Variants in LSAMP observed in about 807,000 individuals in gnomAD.
LSAMP encodes limbic system-associated membrane protein.
In LSAMP, 7 loss-of-function variants were observed where a neutral mutation model predicts 38.6. That is an observed-to-expected ratio of 0.18 (90% CI 0.10 to 0.34). The LOEUF (loss-of-function observed/expected upper bound fraction) is 0.34. Among genes scored for constraint, LSAMP ranks in the 10% least tolerant of loss-of-function variants. The pLI, the probability that LSAMP is intolerant of heterozygous loss-of-function variation, is 1.00. For synonymous variants in LSAMP, 154 were observed against 166.8 expected (o/e 0.92, Z 0.59); for missense variants, 313 against 420.0 (o/e 0.75, Z 2.23).
intron 1 of LSAMP, among the ~76,000 whole-genome samples, chr3:116,247,046 A>G (rs1164168149): frequency 6.6e-6 from 1 of 152,154 alleles, no homozygotes; most frequent in East Asian, 1.9e-4. Context: ...GTGATTAGAA[A>G]ACAAGCTGGA....
intron 1 of LSAMP, among the ~76,000 whole-genome samples, chr3:116,437,017 ATG>A (rs925976032): frequency 6.8e-6 from 1 of 145,996 alleles, no homozygotes; most frequent in African/African-American, 2.6e-5. Context: ...GTGTATATAT[ATG>A]TGTGTGTATA....
At chr3:116,244,342 TC>T (rs2046577206) in intron 1 of LSAMP, among the ~76,000 whole-genome samples, 1 of 152,232 alleles carries the variant, frequency 6.6e-6, no homozygotes, top group Non-Finnish European at 1.5e-5. Flanking sequence ...TAAATTTATG[TC>T]CTTTGACCTA....
chr3:116,283,457 ATG>A (rs2047155207), intron 1 of LSAMP, among the ~76,000 whole-genome samples: 1 of 152,192 alleles, frequency 6.6e-6, no homozygotes, highest in South Asian at 2.1e-4. Flanking sequence ...ATTGACTAAT[ATG>A]GCTTGACAGT....
At chr3:115,964,984 TGTG>T (rs1938750912) in intron 3 of LSAMP, among the ~76,000 whole-genome samples, 1 of 152,124 alleles carries the variant, frequency 6.6e-6, no homozygotes, top group Middle Eastern at 3.2e-3. Context: ...ACAGATTTAA[TGTG>T]TGACCTTTTA....
intron 1 of LSAMP, among the ~76,000 whole-genome samples, chr3:116,333,596 G>A (rs2047881569): frequency 1.4e-5 from 2 of 147,772 alleles, no homozygotes; most frequent in African/African-American, 5.0e-5. Flanking sequence ...ATTGAAGTCA[G>A]AAATCAATAA....
intron 3 of LSAMP, among the ~76,000 whole-genome samples, chr3:115,869,788 C>T (rs973345727): frequency 1.3e-5 from 2 of 152,014 alleles, no homozygotes; most frequent in South Asian, 2.1e-4. Flanking sequence ...TAAATGCATA[C>T]GTCTTTTCCG....
chr3:116,273,777 A>T (rs1369790853), intron 1 of LSAMP, among the ~76,000 whole-genome samples: 2 of 142,114 alleles, frequency 1.4e-5, no homozygotes, highest in African/African-American at 5.4e-5. Context: ...TGAATTATGT[A>T]ATTACAGATA....
At chr3:116,393,877 G>A (rs2048735464) in intron 1 of LSAMP, among the ~76,000 whole-genome samples, 1 of 152,290 alleles carries the variant, frequency 6.6e-6, no homozygotes, top group African/African-American at 2.4e-5. Flanking sequence ...ATTAAGAATA[G>A]ATGAGATTAT....
intron 2 of LSAMP, among the ~76,000 whole-genome samples, chr3:116,056,988 T>G (rs1012803732): frequency 3.3e-5 from 5 of 152,142 alleles, no homozygotes; most frequent in Middle Eastern, 3.2e-3. Context: ...TATAGTAAAA[T>G]TAAGCTATGA....
chr3:116,444,392 AACAC>A (rs202044043), intron 1 of LSAMP, among the ~76,000 whole-genome samples: 6 of 144,248 alleles, frequency 4.2e-5, no homozygotes, highest in East Asian at 4.3e-4. Context: ...TGGCATGAAA[AACAC>A]ACACACACAC....
At chr3:116,374,442 T>C (rs2048469205) in intron 1 of LSAMP, among the ~76,000 whole-genome samples, 1 of 151,888 alleles carries the variant, frequency 6.6e-6, no homozygotes, top group Admixed American at 6.6e-5. Context: ...TTTAATAAGC[T>C]TAATAAGTAT....
intron 1 of LSAMP, among the ~76,000 whole-genome samples, chr3:116,337,903 T>C (rs1304031057): frequency 1.3e-5 from 2 of 151,990 alleles, no homozygotes; most frequent in Admixed American, 1.3e-4. Flanking sequence ...TCTTCATTTT[T>C]CCCATAAAGG....
chr3:116,029,139 AAAC>A (rs917964791), intron 2 of LSAMP, among the ~76,000 whole-genome samples: 2 of 152,148 alleles, frequency 1.3e-5, no homozygotes, highest in Non-Finnish European at 2.9e-5. Flanking sequence ...TTGTCCTTGT[AAAC>A]AACAGATATT....
In LSAMP at chr3:115,808,177, C is replaced by T. The variant is rs1577025176; in HGVS notation, c.*2140G>A. 8.7e-6 allele frequency: 1 copy of T among 115,464 alleles called. No individual in the cohort carries two copies. Among genetic ancestry groups the T allele is most frequent in the Non-Finnish European group, 1.7e-5 (1 of 59,028 alleles). The allele number at this position is 115,464 out of a possible 1,614,324, so 7.2% of individuals were successfully genotyped here. On this transcript the variant is annotated 3_prime_UTR_variant, in exon 7 of 7. Transcript: ENST00000490035. ...CCCTTCCCCGTCCCCCCCTCCCTGCCTTCCTTCCTTCCTTCCTTCCTTCTT... is the reference window on the plus strand; with the variant it reads ...CCCTTCCCCGTCCCCCCCTCCCTGCTTTCCTTCCTTCCTTCCTTCCTTCTT...
intron 3 of LSAMP, among the ~76,000 whole-genome samples, chr3:115,869,312 G>C (rs913852712): frequency 4.6e-5 from 7 of 151,794 alleles, no homozygotes; most frequent in East Asian, 3.9e-4. Flanking sequence ...GACTGACTGA[G>C]AGAGAGAGAC....
intron 6 of LSAMP, among the ~76,000 whole-genome samples, chr3:115,836,624 G>T (rs184124784): frequency 3.0e-4 from 46 of 152,288 alleles, no homozygotes; most frequent in South Asian, 8.3e-4. Flanking sequence ...TCTTAGCAAG[G>T]TCTCTTAACT....
chr3:116,197,480 T>G (rs1186317050), intron 1 of LSAMP, among the ~76,000 whole-genome samples: 1 of 152,186 alleles, frequency 6.6e-6, no homozygotes, highest in Non-Finnish European at 1.5e-5. Context: ...TCGGATAAGT[T>G]ACAACTCTAC....
At chr3:115,897,392 C>A (rs1342057963) in intron 3 of LSAMP, among the ~76,000 whole-genome samples, 1 of 151,862 alleles carries the variant, frequency 6.6e-6, no homozygotes, top group Admixed American at 6.6e-5. Flanking sequence ...ATACAGTAGG[C>A]CCTCAGTTAT....
chr3:115,993,756 C>T (rs1250232652), intron 3 of LSAMP, among the ~76,000 whole-genome samples: 2 of 151,878 alleles, frequency 1.3e-5, no homozygotes, highest in Non-Finnish European at 2.9e-5. Flanking sequence ...ATACAATGAT[C>T]AAGTTTTCCC....
Sources: allele counts gnomAD v4.1 joint callset (sites outside exome capture counted in the v4.1 genomes callset), GRCh38; gene constraint gnomAD v4.1.1; transcripts MANE v1.5; gene names NCBI Gene and HGNC (gene_info 2026-07-23, HGNC 2026-07-21).